WRAP73: variants seen among roughly 807,000 people sequenced by gnomAD.
WRAP73 encodes the protein WD repeat-containing protein WRAP73.
Under a neutral mutation model 59.6 loss-of-function variants are expected in WRAP73, and 55 were observed. The observed-to-expected ratio is 0.92, with a 90% confidence interval of 0.74 to 1.15. The LOEUF is 1.15. Ranked by LOEUF, WRAP73 falls within the 50% of genes most tolerant of loss-of-function variation. WRAP73 has a pLI of 0.00. For synonymous variants in WRAP73, 265 were observed against 258.2 expected, an observed-to-expected ratio of 1.03 and a Z score of -0.25; for missense variants, 592 against 608.1, an observed-to-expected ratio of 0.97 and a Z score of 0.28.
In WRAP73 at chr1:3,631,337, A is replaced by G. The variant is rs1248814483; in HGVS notation, c.1240+129T>C. On this transcript the variant is annotated intron_variant, in intron 11 of 11. Coordinates refer to ENST00000270708, the MANE Select transcript of WRAP73 (RefSeq NM_017818.4). ...TGTGTGTCCGTCTTGAGGTTTACGC[A>G]AAGACTCTGAGGGCAGTTTCCCTGG... 3.7e-6 allele frequency: 5 copies of G among 1,359,604 alleles called. No individual in the cohort carries two copies. The African/African-American group carries it at 7.3e-5, about 20-fold the overall frequency. The allele number at this position is 1,359,604 out of a possible 1,614,324, so 84.2% of individuals were successfully genotyped here.
intron 9 of WRAP73, 144 bp from the exon 10 acceptor site, chr1:3,632,482 GAGCTA>G: frequency 1.5e-6 from 2 of 1,358,432 alleles, no homozygotes; most frequent in Admixed American, 3.7e-5. Flanking sequence ...AGGGCAGGAA[GAGCTA>G]AGCAAAGCCT....
intron 3 of WRAP73, among the ~76,000 whole-genome samples, chr1:3,643,411 C>T (rs1264604965): frequency 6.6e-6 from 1 of 152,240 alleles, no homozygotes; most frequent in Non-Finnish European, 1.5e-5. Context: ...CCGCTGCAGG[C>T]CTAGGGGTGA....
intron 5 of WRAP73, chr1:3,636,318 C>T: frequency 2.3e-6 from 1 of 433,228 alleles, no homozygotes; most frequent in Non-Finnish European, 4.2e-6. Flanking sequence ...CCTGGCCAGC[C>T]CCCGAGGGCG....
At chr1:3,631,343 T>A in intron 11 of WRAP73, 123 bp downstream of exon 11, 2 of 1,377,746 alleles carry the variant, frequency 1.5e-6, no homozygotes, top group Non-Finnish European at 2.0e-6. Context: ...ACGCAAAGAC[T>A]CTGAGGGCAG....
At position 3,639,821 on chromosome 1, in the gene WRAP73, G is replaced by A. The variant is rs1644621717; in HGVS notation, c.340-999C>T. The stretch of plus-strand genomic sequence containing the variant: ...GCTGCGCAGCTCCATGCGGGGTGGG[G>A]TGCTGACTGCCAGCTCCGTGTGTGT... On this transcript the variant is annotated intron_variant, in intron 3 of 11. Coordinates refer to ENST00000270708, the MANE Select transcript of WRAP73 (RefSeq NM_017818.4). The surrounding 1 kb of genome is among the most constrained non-coding windows in gnomAD (Gnocchi z 4.3). Among the ~76,000 whole-genome samples, 2 of 152,036 alleles carry A rather than the reference G, an allele frequency of 1.3e-5. No homozygotes were observed. The highest frequency in any genetic ancestry group is 2.1e-4 in the South Asian group (1 of 4,826).
chr1:3,630,893 A>G lies in WRAP73; in HGVS notation c.*82T>C. ...CACTGAATCCAGACCACCACAGTGG[A>G]GAACCTCCTGGTGAAGCTGTGTTTT... On this transcript the variant is annotated 3_prime_UTR_variant, in exon 12 of 12. Coordinates refer to ENST00000270708, the MANE Select transcript of WRAP73 (RefSeq NM_017818.4). 6.5e-7 allele frequency: 1 copy of G among 1,530,314 alleles called. No homozygotes were observed. Among genetic ancestry groups the G allele is most frequent in the Non-Finnish European group, 8.8e-7 (1 of 1,133,150 alleles). The allele number at this position is 1,530,314 out of a possible 1,614,324, so 94.8% of individuals were successfully genotyped here. A position where few individuals can be genotyped will look rare whatever the true frequency, so the allele number is the denominator to read the frequency against.
intron 3 of WRAP73, among the ~76,000 whole-genome samples, chr1:3,645,692 G>A (rs1644685083): frequency 6.6e-6 from 1 of 152,150 alleles, no homozygotes; most frequent in South Asian, 2.1e-4. Context: ...AAGACACTGC[G>A]GACACCAAAG....
chr1:3,632,440 C>T (rs974239146), intron 9 of WRAP73, 102 bp from the exon 10 acceptor site: 1 of 1,584,576 alleles, frequency 6.3e-7, no homozygotes, highest in Non-Finnish European at 8.6e-7. Flanking sequence ...GAACCCAGCT[C>T]CTCTGTTCAA....
chr1:3,644,339 G>A (rs1644670110), intron 3 of WRAP73, among the ~76,000 whole-genome samples: 1 of 116,682 alleles, frequency 8.6e-6, no homozygotes, highest in African/African-American at 3.9e-5. Flanking sequence ...GCTGAGCCCC[G>A]GACATGGGGT....
At position 3,633,464 on chromosome 1, in the gene WRAP73, G is replaced by A. The variant is rs1305480335; in HGVS notation, c.856C>T (p.Leu286=). The stretch of plus-strand genomic sequence containing the variant: ...GGCGGCGGGAAGGAGAGGCAGCCCA[G>A]TCCCAGCTGTGGGCTCTTCTCGGCC... ...KEAEKSPQLG[L]GCLSFPPPRA... The change falls in exon 9 of 12, where the codon CTG becomes TTG. Residue 286 remains leucine (L), a synonymous_variant. Transcript: ENST00000270708. 2 of 1,611,138 alleles carry A rather than the reference G, an allele frequency of 1.2e-6. No homozygotes were observed. The highest frequency in any genetic ancestry group is 1.7e-6 in the Non-Finnish European group (2 of 1,179,482).
At chr1:3,636,823 C>T (rs1644592957) in intron 5 of WRAP73, 172 bp downstream of exon 5, 1 of 730,698 alleles carries the variant, frequency 1.4e-6, no homozygotes, top group African/African-American at 1.7e-5. Flanking sequence ...GTCTCCTGAA[C>T]ACACAACCGG....
intron 4 of WRAP73, among the ~76,000 whole-genome samples, chr1:3,637,622 G>A (rs891460030): frequency 4.6e-5 from 7 of 152,314 alleles, no homozygotes; most frequent in South Asian, 2.1e-4. Context: ...CAGGTGAATC[G>A]CTTGAGCCTA....
chr1:3,631,574 C>A lies in WRAP73; in HGVS notation c.1132G>T (p.Ala378Ser), dbSNP rs529203710. 1.2e-6 allele frequency: 2 copies of A among 1,610,000 alleles called. No homozygotes were observed. The highest frequency in any genetic ancestry group is 1.7e-6 in the Non-Finnish European group (2 of 1,179,860). ...AVLEQLSPVR[A>S]FQWDPQQPRL... The stretch of plus-strand genomic sequence containing the variant: ...GGCTGCTGCGGGTCCCACTGAAATG[C>A]GCGCACTGGGGACAGCTGCTCGAGC... Residue 378 changes from alanine to serine, a missense_variant, in exon 11 of 12, where the codon GCA becomes TCA. Ala to Ser is a moderately conservative substitution (Grantham distance 99, BLOSUM62 1). Coordinates refer to ENST00000270708, the MANE Select transcript of WRAP73 (RefSeq NM_017818.4).
rs568056559 is a variant in WRAP73, at chr1:3,633,437, G to C, written c.883C>G (p.Arg295Gly). The change falls in exon 9 of 12, where the codon CGG becomes GGG. Residue 295 changes from arginine (R) to glycine (G), a missense_variant. By Grantham distance (125) the Arg-to-Gly change is moderately radical. Coordinates refer to ENST00000270708, the MANE Select transcript of WRAP73 (RefSeq NM_017818.4). ...CTCGGGAGAGGGCCGGCCCCGGCCC[G>C]GGGCGGCGGGAAGGAGAGGCAGCCC... Reference protein sequence around the residue: ...GLGCLSFPPPRAGAGPLPSSE... With the variant: ...GLGCLSFPPPGAGAGPLPSSE... 2 of 1,612,328 alleles carry C rather than the reference G, an allele frequency of 1.2e-6. No individual in the cohort carries two copies. The highest frequency in any genetic ancestry group is 1.1e-5 in the South Asian group (1 of 91,022).
Position 3,635,097 on chromosome 1 carries a change from G to C in WRAP73, c.739-23C>G, listed in dbSNP as rs79481270. On this transcript the variant is annotated intron_variant, in intron 7 of 11. Transcript: ENST00000270708. ...CACCTGAGGAAGGAAACCATGCACA[G>C]GTGAGGCAGGGCCCGGCCCGCTGGG... 6.1e-5 allele frequency: 98 copies of C among 1,614,060 alleles called. 1 individual carries two copies. The South Asian group carries it at 6.3e-4, about 10-fold the overall frequency.
intron 1 of WRAP73, among the ~76,000 whole-genome samples, chr1:3,647,854 A>ATT (rs1644706139): frequency 1.3e-5 from 2 of 152,244 alleles, no homozygotes; most frequent in Non-Finnish European, 2.9e-5. Context: ...TCTTATCTGT[A>ATT]TGTTAAAAAC....
chr1:3,631,424 A>G (rs1644531432), intron 11 of WRAP73, 42 bp downstream of exon 11: 1 of 1,549,830 alleles, frequency 6.5e-7, no homozygotes, highest in Non-Finnish European at 8.7e-7. Flanking sequence ...CAGACTGCAC[A>G]CAGCAAGGCT....
chr1:3,633,266 C>A, intron 9 of WRAP73, 132 bp downstream of exon 9: 1 of 827,990 alleles, frequency 1.2e-6, no homozygotes, highest in East Asian at 2.5e-5. Context: ...GGCTGAGGGG[C>A]ACACTGGCTG....
chr1:3,631,171 G>A, intron 11 of WRAP73, 54 bp from the exon 12 acceptor site: 1 of 1,608,288 alleles, frequency 6.2e-7, no homozygotes, highest in South Asian at 1.1e-5. Context: ...CAGATTCTGG[G>A]GGATGGGCAC....
Sources: allele counts gnomAD v4.1 joint callset (sites outside exome capture counted in the v4.1 genomes callset), GRCh38; gene constraint gnomAD v4.1.1; non-coding constraint Gnocchi (gnomAD v3.1); transcripts MANE v1.5; gene names NCBI Gene and HGNC (gene_info 2026-07-23, HGNC 2026-07-21).